The following CTNNA2 variants were observed in gnomAD, a reference collection of about 807,000 sequenced individuals.
CTNNA2 encodes catenin alpha 2.
CTNNA2 carries 42 observed loss-of-function variants against 101.0 expected under a neutral mutation model. That is an observed-to-expected ratio of 0.42 (90% CI 0.32 to 0.54). The LOEUF (loss-of-function observed/expected upper bound fraction) is 0.54, where lower values mean the gene tolerates loss of function less well. CTNNA2 is among the 20% of genes least tolerant of loss of function. The pLI, the probability that CTNNA2 is intolerant of heterozygous loss-of-function variation, is 0.14. For synonymous variants in CTNNA2, 450 were observed against 456.4 expected (o/e 0.99, Z 0.18); for missense variants, 871 against 1,223.1 (o/e 0.71, Z 4.29).
At chr2:79,246,171 A>C (rs968893416) in intron 2 of CTNNA2, among the ~76,000 whole-genome samples, 1 of 152,188 alleles carries the variant, frequency 6.6e-6, no homozygotes, top group Non-Finnish European at 1.5e-5. Flanking sequence ...TTCTTGAATA[A>C]GTCTTTTACC....
chr2:80,509,543 T>C (rs576566306), intron 9 of CTNNA2, among the ~76,000 whole-genome samples: 3 of 152,282 alleles, frequency 2.0e-5, no homozygotes, highest in East Asian at 3.9e-4. Flanking sequence ...TTGGATGTCT[T>C]CTGTCTAAGA....
chr2:80,207,846 G>T (rs1707626303), intron 7 of CTNNA2, among the ~76,000 whole-genome samples: 1 of 152,152 alleles, frequency 6.6e-6, no homozygotes, highest in Non-Finnish European at 1.5e-5. Flanking sequence ...GAATTCTGGG[G>T]AGCAGCAGAA....
intron 3 of CTNNA2, among the ~76,000 whole-genome samples, chr2:79,811,134 A>T (rs560708903): frequency 6.6e-6 from 1 of 151,868 alleles, no homozygotes; most frequent in East Asian, 1.9e-4. Context: ...ACTAGTTTAC[A>T]GTCCCACCAA....
chr2:79,565,645 T>C (rs1439349387), intron 1 of CTNNA2, among the ~76,000 whole-genome samples: 2 of 152,110 alleles, frequency 1.3e-5, no homozygotes, highest in Non-Finnish European at 2.9e-5. Flanking sequence ...TAGTGGTAAG[T>C]GAAAAGAAGA....
At chr2:80,283,097 T>C (rs1380428933) in intron 7 of CTNNA2, among the ~76,000 whole-genome samples, 5 of 152,038 alleles carry the variant, frequency 3.3e-5, no homozygotes, top group African/African-American at 1.2e-4. Context: ...ATCAATAAAA[T>C]TTAGGATATA....
intron 7 of CTNNA2, among the ~76,000 whole-genome samples, chr2:80,315,957 AC>A (rs916537196): frequency 1.2e-4 from 19 of 152,208 alleles, no homozygotes; most frequent in African/African-American, 4.3e-4. Flanking sequence ...ACCCACTGTA[AC>A]AAATCGGAAT....
chr2:80,240,509 A>T (rs1411596435), intron 7 of CTNNA2, among the ~76,000 whole-genome samples: 1 of 152,168 alleles, frequency 6.6e-6, no homozygotes, highest in Non-Finnish European at 1.5e-5. Flanking sequence ...TCTCTCGAGT[A>T]TAGCCCTGTG....
At chr2:79,794,182 TAGG>T (rs1558934794) in intron 3 of CTNNA2, among the ~76,000 whole-genome samples, 1 of 151,612 alleles carries the variant, frequency 6.6e-6, no homozygotes, top group Non-Finnish European at 1.5e-5. Flanking sequence ...AGAAGGAGGT[TAGG>T]AGAGAAAGAA....
chr2:80,296,402 T>C (rs1406095994), intron 7 of CTNNA2, among the ~76,000 whole-genome samples: 1 of 152,104 alleles, frequency 6.6e-6, no homozygotes, highest in Non-Finnish European at 1.5e-5. Context: ...CTAAATGAGG[T>C]ATTGCTAAAG....
chr2:79,985,100 T>C (rs749902257), intron 7 of CTNNA2, among the ~76,000 whole-genome samples: 2 of 152,146 alleles, frequency 1.3e-5, no homozygotes, highest in African/African-American at 2.4e-5. Flanking sequence ...GCCTGCATGA[T>C]TGGGTTCAAA....
chr2:80,162,905 A>G (rs192587008), intron 7 of CTNNA2: 1 of 1,568,474 alleles, frequency 6.4e-7, no homozygotes, highest in East Asian at 2.2e-5. Flanking sequence ...CGTACCTGCT[A>G]GGAGTTGTGG....
At chr2:79,927,908 G>T (rs1687134094) in intron 7 of CTNNA2, among the ~76,000 whole-genome samples, 1 of 152,100 alleles carries the variant, frequency 6.6e-6, no homozygotes, top group African/African-American at 2.4e-5. Flanking sequence ...CTAGTGGACA[G>T]GCCAGTATCT....
chr2:80,389,444 T>A (rs1174623671), intron 7 of CTNNA2, among the ~76,000 whole-genome samples: 1 of 152,072 alleles, frequency 6.6e-6, no homozygotes, highest in Non-Finnish European at 1.5e-5. Flanking sequence ...CCCCCATTGC[T>A]CTCTCCCTTT....
intron 9 of CTNNA2, among the ~76,000 whole-genome samples, chr2:80,514,306 A>T (rs1688936003): frequency 6.6e-6 from 1 of 152,100 alleles, no homozygotes; most frequent in Non-Finnish European, 1.5e-5. Flanking sequence ...CCCTGGCAGC[A>T]CCCAGGTTGG....
At chr2:79,986,320 T>G (rs369617283) in intron 7 of CTNNA2, among the ~76,000 whole-genome samples, 1 of 152,114 alleles carries the variant, frequency 6.6e-6, no homozygotes, top group African/African-American at 2.4e-5. Context: ...TTGAGGATAT[T>G]CCTCTTTACT....
chr2:80,016,842 T>C (rs1357367065), intron 7 of CTNNA2, among the ~76,000 whole-genome samples: 1 of 152,202 alleles, frequency 6.6e-6, no homozygotes, highest in Non-Finnish European at 1.5e-5. Context: ...ATAATCTGAG[T>C]TAATAGGAAG....
chr2:79,212,553 GGGATATAAA>G (rs1347848312), intron 2 of CTNNA2, among the ~76,000 whole-genome samples: 1 of 152,152 alleles, frequency 6.6e-6, no homozygotes, highest in African/African-American at 2.4e-5. Context: ...AGGACTGTAA[GGGATATAAA>G]GGTTTCACTG....
intron 9 of CTNNA2, among the ~76,000 whole-genome samples, chr2:80,434,485 C>CTTTTTTTT (rs1169944635): frequency 1.9e-4 from 17 of 89,978 alleles, no homozygotes; most frequent in Non-Finnish European, 2.2e-4. Context: ...TTCTGTGTCT[C>CTTTTTTTT]TTTTTTTTTT....
intron 12 of CTNNA2, chr2:80,573,374 T>C (rs2149701139): frequency 6.6e-6 from 1 of 152,296 alleles, no homozygotes; most frequent in South Asian, 2.1e-4. Context: ...TTTAGAAATT[T>C]ATATACGTAT....
Sources: gnomAD v4.1 joint callset for allele counts (sites outside exome capture counted in the v4.1 genomes callset) on GRCh38, gnomAD v4.1.1 for gene constraint, MANE v1.5 for transcripts, NCBI Gene and HGNC (gene_info 2026-07-23, HGNC 2026-07-21) for gene names.